The following ATP6V0E2 variants were observed in gnomAD, a reference collection of about 807,000 sequenced individuals.
ATP6V0E2 encodes V-type proton ATPase subunit e 2.
In ATP6V0E2, 4 loss-of-function variants were observed where a neutral mutation model predicts 11.5. That is an observed-to-expected ratio of 0.35 (90% CI 0.17 to 0.80). ATP6V0E2 has a LOEUF of 0.80. ATP6V0E2 is among the 30% of genes least tolerant of loss of function. The pLI is 0.53. For missense variants in ATP6V0E2, 93 were observed against 113.5 expected, an observed-to-expected ratio of 0.82 and a Z score of 0.82; for synonymous variants, 52 against 51.0, an observed-to-expected ratio of 1.02 and a Z score of -0.09.
rs369379550 is a variant in ATP6V0E2 at position 149,875,620 on chromosome 7, G to T, written c.127G>T (p.Ala43Ser). ...CAGAGTGATCATCACCATGCTGGTC[G>T]CCACCGCCGTCTGCTGTTACCTCTT... ...NRGVIITMLV[A>S]TAVCCYLFWL... The change falls in exon 2 of 4, where the codon GCC becomes TCC. Residue 43 changes from alanine (A) to serine (S), a missense_variant. Ala to Ser is a moderately conservative substitution (Grantham distance 99). Transcript: ENST00000425642. 6.2e-7 allele frequency: 1 copy of T among 1,613,626 alleles called. No homozygotes were observed. The highest frequency in any genetic ancestry group is 1.3e-5 in the African/African-American group (1 of 74,872).
rs924318420 is a variant in ATP6V0E2, at chr7:149,879,505, C to A, written c.*190C>A. On this transcript the variant is annotated 3_prime_UTR_variant, in exon 4 of 4. Transcript: ENST00000425642. ...AAGTCTTCCCAGTCTTCCCAGCCAG[C>A]CCGGGCCCTGGGGAGCCCTGGGCAC... 2 of 1,590,566 alleles carry A rather than the reference C, an allele frequency of 1.3e-6. No individual in the cohort carries two copies. Among genetic ancestry groups the A allele is most frequent in the African/African-American group, 1.3e-5 (1 of 74,320 alleles).
upstream of ATP6V0E2, chr7:149,873,944 T>A (rs776523577): frequency 3.2e-6 from 5 of 1,541,902 alleles, no homozygotes; most frequent in Admixed American, 7.8e-5. Flanking sequence ...CCGGCCCGGC[T>A]GATCGCTTCG....
chr7:149,874,368 G>A (rs2078736001), intron 1 of ATP6V0E2, among the ~76,000 whole-genome samples, 199 bp downstream of exon 1: 1 of 152,124 alleles, frequency 6.6e-6, no homozygotes, highest in Admixed American at 6.5e-5. Context: ...GGGGCGAGAG[G>A]GCATATCCAG....
chr7:149,874,270 G>A, intron 1 of ATP6V0E2, 101 bp downstream of exon 1: 8 of 1,396,042 alleles, frequency 5.7e-6, no homozygotes, highest in Non-Finnish European at 7.6e-6. Flanking sequence ...TGCAGCGAGC[G>A]TCCGCAGGAG....
At chr7:149,876,148 T>C (rs1586095388) in intron 2 of ATP6V0E2, 1 of 453,446 alleles carries the variant, frequency 2.2e-6, no homozygotes, top group Non-Finnish European at 4.4e-6. Context: ...GAGGCTGAGG[T>C]GGGTGGATCA....
At position 149,874,162 on chromosome 7, in the gene ATP6V0E2, A is replaced by G; in HGVS notation, c.97A>G (p.Asn33Asp). The G allele has an allele frequency of 4.5e-6, 7 of 1,548,724 alleles. No homozygotes were observed. The highest frequency in any genetic ancestry group is 6.1e-6 in the Non-Finnish European group (7 of 1,145,898). ...GCCCTGGTTCGTGCCGAAGGGACCC[A>G]ACCGCGGGTAAGGAAAGCGCGCAGG... ...AGPWFVPKGPNRGVIITMLVA... is the reference protein window; with the variant it reads ...AGPWFVPKGPDRGVIITMLVA... The change falls in exon 1 of 4, where the codon AAC (asparagine) becomes GAC (aspartate). Residue 33 changes from asparagine (N) to aspartate (D), a missense_variant. Asn to Asp is a conservative substitution (Grantham distance 23). Coordinates refer to ENST00000425642, the MANE Select transcript of ATP6V0E2 (RefSeq NM_145230.4).
chr7:149,875,852 C>A (rs1458141411), intron 2 of ATP6V0E2: 2 of 684,960 alleles, frequency 2.9e-6, no homozygotes, highest in Admixed American at 2.1e-5. Flanking sequence ...GGATCTGGCT[C>A]TGCCCCCAGA....
rs1315352256 is a variant in ATP6V0E2, at chr7:149,879,310, C to T, written c.*20-25C>T. 7 of 1,496,250 alleles carry T rather than the reference C, an allele frequency of 4.7e-6. No homozygotes were observed. In the South Asian group the frequency reaches 8.3e-5, roughly 18 times the overall value. The allele number at this position is 1,496,250 out of a possible 1,614,324, so 92.7% of individuals were successfully genotyped here. ...TGGAGTCTCCACTGCAAGGCCGGGA[C>T]CCTTCCATGTGATGTGCTTTTCAGG... On this transcript the variant is annotated intron_variant, in intron 3 of 3. Coordinates refer to ENST00000425642, the MANE Select transcript of ATP6V0E2 (RefSeq NM_145230.4).
rs185460720 is a variant in ATP6V0E2 at position 149,876,115 on chromosome 7, C to T, written c.152+470C>T. 1,249 of 456,324 alleles carry T rather than the reference C, an allele frequency of 2.7e-3. 9 individuals carry two copies. The highest frequency in any genetic ancestry group is 0.021 in the African/African-American group (1,042 of 50,164). 28.3% of individuals were successfully genotyped at this position (456,324 alleles called of 1,614,324 possible). On this transcript the variant is annotated intron_variant, in intron 2 of 3. Coordinates refer to ENST00000425642, the MANE Select transcript of ATP6V0E2 (RefSeq NM_145230.4). The stretch of plus-strand genomic sequence containing the variant: ...GTGAGAGGCCAGACGTGGCGGCTCA[C>T]GCCTGTAATCCCAGCACTTTGGGAG...
chr7:149,879,173 C>T, intron 3 of ATP6V0E2, 162 bp from the exon 4 acceptor site: 1 of 1,400,930 alleles, frequency 7.1e-7, no homozygotes, highest in Non-Finnish European at 9.2e-7. Context: ...CAGCGCTTCA[C>T]CCCAAGGCAA....
chr7:149,874,877 C>A (rs1364149766), intron 1 of ATP6V0E2: 3 of 153,336 alleles, frequency 2.0e-5, no homozygotes, highest in Non-Finnish European at 4.4e-5. Flanking sequence ...TGCTTTAGAT[C>A]AAAGATCAAG....
At chr7:149,875,485 A>G (rs945758150) in intron 1 of ATP6V0E2, 113 bp from the exon 2 acceptor site, 28 of 1,024,494 alleles carry the variant, frequency 2.7e-5, no homozygotes, top group Middle Eastern at 2.1e-4. Context: ...AGGAGGCATC[A>G]GGAAGGCCAA....
At chr7:149,874,743 T>A (rs546056931) in intron 1 of ATP6V0E2, 1 of 153,756 alleles carries the variant, frequency 6.5e-6, no homozygotes, top group Non-Finnish European at 1.4e-5. Context: ...GACTGCATGT[T>A]CCCAGGGGCT....
upstream of ATP6V0E2, chr7:149,873,762 G>A: frequency 2.0e-6 from 2 of 1,000,068 alleles, no homozygotes; most frequent in South Asian, 1.9e-5. Flanking sequence ...GGCTGTGCGG[G>A]CGCGGGGCTG....
intron 3 of ATP6V0E2, 41 bp downstream of exon 3, chr7:149,878,831 A>C (rs1328112828): frequency 9.6e-7 from 1 of 1,045,566 alleles, no homozygotes; most frequent in Non-Finnish European, 1.4e-6. Context: ...AAGAGGGGAA[A>C]GACAAGGCTT....
rs1380872289 is a variant in ATP6V0E2 at position 149,874,185 on chromosome 7, A to G, written c.104+16A>G. The G allele has an allele frequency of 3.2e-6, 5 of 1,546,086 alleles. No individual in the cohort carries two copies. Among genetic ancestry groups the G allele is most frequent in the Middle Eastern group, 1.7e-4 (1 of 5,906 alleles). On this transcript the variant is annotated intron_variant, in intron 1 of 3. Coordinates refer to ENST00000425642, the MANE Select transcript of ATP6V0E2 (RefSeq NM_145230.4). ...CCAACCGCGGGTAAGGAAAGCGCGCAGGCCCTGCAGACCTCTCCACCCCGG... is the reference window on the plus strand; with the variant it reads ...CCAACCGCGGGTAAGGAAAGCGCGCGGGCCCTGCAGACCTCTCCACCCCGG...
rs111445663 is a variant in ATP6V0E2, at chr7:149,880,393, T to C, written c.*1078T>C. On this transcript the variant is annotated 3_prime_UTR_variant, in exon 4 of 4. Transcript: ENST00000425642. ...CCTTGCCTGGCTCCCAGCTGGGGCC[T>C]GTCCTCACTGGTGCTCCAGGGGAAG... is the stretch of plus-strand genomic sequence containing the variant. The C allele has an allele frequency of 0.014, 2,174 of 152,680 alleles. 51 individuals carry two copies. The highest frequency in any genetic ancestry group is 0.05 in the African/African-American group (2,063 of 41,572). The allele number at this position is 152,680 out of a possible 1,614,324, so 9.5% of individuals were successfully genotyped here.
At chr7:149,877,781 A>T (rs922054460) in intron 2 of ATP6V0E2, among the ~76,000 whole-genome samples, 5 of 152,222 alleles carry the variant, frequency 3.3e-5, no homozygotes, top group African/African-American at 1.2e-4. Flanking sequence ...ACATACGGGA[A>T]ACAGAAAACA....
At chr7:149,875,778 G>A in intron 2 of ATP6V0E2, 133 bp downstream of exon 2, 2 of 879,756 alleles carry the variant, frequency 2.3e-6, no homozygotes, top group South Asian at 1.5e-5. Flanking sequence ...TAAAACAACA[G>A]GAGTGGAGGT....
Sources: gnomAD v4.1 joint callset for allele counts (sites outside exome capture counted in the v4.1 genomes callset) on GRCh38, gnomAD v4.1.1 for gene constraint, MANE v1.5 for transcripts, NCBI Gene and HGNC (gene_info 2026-07-23, HGNC 2026-07-21) for gene names.